SOX6: variants seen among roughly 807,000 people sequenced by gnomAD.
SOX6 encodes the protein SRY-box transcription factor 6, also known as transcription factor SOX-6.
In SOX6, 11 loss-of-function variants were observed where a neutral mutation model predicts 97.8. That is an observed-to-expected ratio of 0.11 (90% CI 0.07 to 0.19). The LOEUF (loss-of-function observed/expected upper bound fraction) is 0.19, where lower values mean the gene tolerates loss of function less well. Among genes scored for constraint, SOX6 ranks in the 10% least tolerant of loss-of-function variants. The pLI, the probability that SOX6 is intolerant of heterozygous loss-of-function variation, is 1.00. For synonymous variants in SOX6, 360 were observed against 371.4 expected, an observed-to-expected ratio of 0.97 and a Z score of 0.35; for missense variants, 810 against 1,039.5, an observed-to-expected ratio of 0.78 and a Z score of 3.04.
intron 1 of SOX6, among the ~76,000 whole-genome samples, chr11:16,411,518 A>T (rs981267172): frequency 7.2e-5 from 11 of 152,160 alleles, no homozygotes; most frequent in African/African-American, 2.7e-4. Context: ...AATTTCATGG[A>T]TTAAAAAAAA....
chr11:16,213,549 A>G (rs559033489), intron 4 of SOX6, among the ~76,000 whole-genome samples: 1 of 152,316 alleles, frequency 6.6e-6, no homozygotes, highest in East Asian at 1.9e-4. Flanking sequence ...GGAAAGATAG[A>G]AGGATCAGCT....
At chr11:16,637,818 C>T (rs1022256500) in intron 3 of SOX6, among the ~76,000 whole-genome samples, 1 of 151,902 alleles carries the variant, frequency 6.6e-6, no homozygotes, top group Admixed American at 6.6e-5. Context: ...GGGAAAGGTA[C>T]AGTGTGCAGG....
rs540289970 is a variant in SOX6 at position 16,614,813 on chromosome 11, T to G, written n.430-2553A>C. Among the ~76,000 whole-genome samples, 4 of 152,282 alleles carry G rather than the reference T, an allele frequency of 2.6e-5. No individual in the cohort carries two copies. The South Asian group carries it at 8.3e-4, about 32-fold the overall frequency. ...TGCATAGACATTATTTAAATATACT[T>G]TATAAATTGAGAAGAATTCTATTTA... On this transcript the variant is annotated intron_variant and non_coding_transcript_variant, in intron 3 of 5. Transcript: ENST00000524520.
At chr11:16,472,218 T>C (rs1171323541) in intron 1 of SOX6, among the ~76,000 whole-genome samples, 1 of 152,212 alleles carries the variant, frequency 6.6e-6, no homozygotes, top group Non-Finnish European at 1.5e-5. Flanking sequence ...GAAATGCTGG[T>C]AATTATATTT....
At chr11:16,337,030 A>G (rs539134663) in intron 2 of SOX6, among the ~76,000 whole-genome samples, 3 of 152,248 alleles carry the variant, frequency 2.0e-5, no homozygotes, top group Admixed American at 6.6e-5. Context: ...GTCTCACTCT[A>G]TAAGACTTCT....
intron 12 of SOX6, among the ~76,000 whole-genome samples, chr11:16,019,417 A>G (rs73417068): frequency 0.016 from 2,427 of 152,218 alleles, 63 homozygotes; most frequent in African/African-American, 0.055. Context: ...GCAGCCATGG[A>G]ACATACAACT....
At chr11:16,338,271 T>C (rs1186721114) in intron 2 of SOX6, among the ~76,000 whole-genome samples, 1 of 152,102 alleles carries the variant, frequency 6.6e-6, no homozygotes, top group Non-Finnish European at 1.5e-5. Flanking sequence ...TAAACATGTT[T>C]TTGACTTCAT....
chr11:16,629,599 C>T (rs1411930508), intron 3 of SOX6, among the ~76,000 whole-genome samples: 1 of 151,986 alleles, frequency 6.6e-6, no homozygotes, highest in African/African-American at 2.4e-5. Flanking sequence ...CAGAGTGATG[C>T]TTACTTCATA....
intron 3 of SOX6, among the ~76,000 whole-genome samples, chr11:16,620,904 A>G (rs1313006554): frequency 6.6e-6 from 1 of 152,118 alleles, no homozygotes; most frequent in Non-Finnish European, 1.5e-5. Flanking sequence ...AATTTTGTGG[A>G]CTTGTTCTTA....
rs1341689168 is a variant in SOX6 at position 15,969,575 on chromosome 11, C to T, written c.*3234G>A. The T allele has an allele frequency of 6.6e-6, 1 of 152,034 alleles. No homozygotes were observed. The highest frequency in any genetic ancestry group is 1.5e-5 in the Non-Finnish European group (1 of 67,994). 9.4% of individuals were successfully genotyped at this position (152,034 alleles called of 1,614,324 possible). A position where few individuals can be genotyped will look rare whatever the true frequency, so the allele number is the denominator to read the frequency against. On this transcript the variant is annotated 3_prime_UTR_variant, in exon 16 of 16. Transcript: ENST00000683767. ...TCACTGTAGCTGATAACTCACTACCCCGAGAGGCACAGTGACTCATCAACT... is the reference window on the plus strand; with the variant it reads ...TCACTGTAGCTGATAACTCACTACCTCGAGAGGCACAGTGACTCATCAACT...
At chr11:16,407,071 C>CT (rs903948137) in intron 1 of SOX6, among the ~76,000 whole-genome samples, 1 of 152,012 alleles carries the variant, frequency 6.6e-6, no homozygotes, top group African/African-American at 2.4e-5. Context: ...AAACTACAAA[C>CT]TTTTTTGTCT....
intron 3 of SOX6, among the ~76,000 whole-genome samples, chr11:16,645,581 A>G (rs1782924860): frequency 6.6e-6 from 1 of 152,226 alleles, no homozygotes; most frequent in African/African-American, 2.4e-5. Context: ...GTGGGTCCTT[A>G]ATCCAATATG....
At chr11:16,302,751 G>A (rs988233263) in intron 3 of SOX6, among the ~76,000 whole-genome samples, 1 of 151,472 alleles carries the variant, frequency 6.6e-6, no homozygotes, top group Non-Finnish European at 1.5e-5. Flanking sequence ...TCTATATTTA[G>A]TAGAGACAGG....
chr11:16,191,034 T>C (rs1476510126), intron 4 of SOX6, among the ~76,000 whole-genome samples: 4 of 152,184 alleles, frequency 2.6e-5, no homozygotes, highest in Non-Finnish European at 5.9e-5. Flanking sequence ...GCAAAGGAAC[T>C]ACAATTGTAA....
Position 16,460,899 on chromosome 11 carries a change from G to A in SOX6, c.-5+15416C>T, listed in dbSNP as rs556245330. On this transcript the variant is annotated intron_variant, in intron 1 of 15. Coordinates refer to the SOX6 transcript ENST00000396356. ...ACCTTATGTCTCTGAAATCATCAAG[G>A]CCCTGCCTACACACTTTAGGTCCTA... Among the ~76,000 whole-genome samples, 36 of 152,048 alleles carry A rather than the reference G, an allele frequency of 2.4e-4. No individual in the cohort carries two copies. The South Asian group carries it at 4.6e-3, about 19-fold the overall frequency.
intron 1 of SOX6, among the ~76,000 whole-genome samples, chr11:16,427,195 G>C (rs1361948436): frequency 6.6e-6 from 1 of 151,822 alleles, no homozygotes; most frequent in Non-Finnish European, 1.5e-5. Flanking sequence ...GCAACCTAAA[G>C]AATGGGAAAA....
chr11:16,562,013 C>T (rs909211630), intron 4 of SOX6, among the ~76,000 whole-genome samples: 5 of 152,138 alleles, frequency 3.3e-5, no homozygotes, highest in Admixed American at 2.0e-4. Context: ...AGGTGTGAAA[C>T]ATGGTGCCCA....
chr11:16,665,029 C>G (rs1409705173), intron 3 of SOX6, among the ~76,000 whole-genome samples: 2 of 151,886 alleles, frequency 1.3e-5, no homozygotes, highest in South Asian at 2.1e-4. Context: ...GCCCTTGGGC[C>G]TGAATAATCA....
intron 12 of SOX6, among the ~76,000 whole-genome samples, chr11:16,029,996 T>G (rs1855322335): frequency 6.6e-6 from 1 of 152,186 alleles, no homozygotes; most frequent in South Asian, 2.1e-4. Flanking sequence ...GATCAAAATT[T>G]TAATTTTGCA....
Sources: gnomAD v4.1 joint callset for allele counts (sites outside exome capture counted in the v4.1 genomes callset) on GRCh38, gnomAD v4.1.1 for gene constraint, MANE v1.5 for transcripts, NCBI Gene and HGNC (gene_info 2026-07-23, HGNC 2026-07-21) for gene names.